Variants in CHCHD3 observed in about 807,000 individuals in gnomAD.
The protein encoded by CHCHD3 is coiled-coil-helix-coiled-coil-helix domain containing 3, also known as MICOS complex subunit MIC19.
CHCHD3 carries 20 observed loss-of-function variants against 38.2 expected under a neutral mutation model. The observed-to-expected ratio is 0.52, with a 90% confidence interval of 0.37 to 0.76. The LOEUF is 0.76. Ranked by LOEUF, CHCHD3 falls within the 30% of genes least tolerant of loss-of-function variation. The pLI, the probability that CHCHD3 is intolerant of heterozygous loss-of-function variation, is 0.00. For synonymous variants in CHCHD3, 82 were observed against 100.0 expected (o/e 0.82, Z 1.07); for missense variants, 245 against 279.2 (o/e 0.88, Z 0.87).
chr7:132,836,055 G>A (rs959279026), intron 6 of CHCHD3, among the ~76,000 whole-genome samples: 11 of 151,988 alleles, frequency 7.2e-5, no homozygotes, highest in African/African-American at 1.9e-4. Context: ...TAAGCCACCC[G>A]GTCTGTGGTA....
chr7:133,031,133 A>G lies in CHCHD3; in HGVS notation c.170-6506T>C, dbSNP rs1463848523. On this transcript the variant is annotated intron_variant, in intron 2 of 7. Coordinates refer to ENST00000262570, the MANE Select transcript of CHCHD3 (RefSeq NM_017812.4). ...ATTCCTAAACTTATACTTGATCCTGAGTATTCTTAGGAAATGTGAGGAAAT... is the reference window on the plus strand; with the variant it reads ...ATTCCTAAACTTATACTTGATCCTGGGTATTCTTAGGAAATGTGAGGAAAT... Among the ~76,000 whole-genome samples, 5 of 152,180 alleles carry G rather than the reference A, an allele frequency of 3.3e-5. No individual in the cohort carries two copies. The East Asian group carries it at 9.6e-4, about 29-fold the overall frequency.
intron 7 of CHCHD3, among the ~76,000 whole-genome samples, chr7:132,789,853 T>C (rs1223630883): frequency 1.3e-5 from 2 of 152,026 alleles, no homozygotes; most frequent in Non-Finnish European, 2.9e-5. Flanking sequence ...AAACTGGAGA[T>C]GTGTCCTGGC....
chr7:132,932,249 G>C (rs1456205579), intron 4 of CHCHD3, among the ~76,000 whole-genome samples: 1 of 152,128 alleles, frequency 6.6e-6, no homozygotes, highest in Non-Finnish European at 1.5e-5. Flanking sequence ...CCAGGTTATA[G>C]TTTTGCCAAT....
intron 2 of CHCHD3, among the ~76,000 whole-genome samples, chr7:133,030,693 G>T (rs937539876): frequency 1.2e-4 from 19 of 152,178 alleles, no homozygotes; most frequent in African/African-American, 4.3e-4. Flanking sequence ...TTCCATACTT[G>T]TATAGTCTGT....
intron 2 of CHCHD3, among the ~76,000 whole-genome samples, chr7:133,036,997 C>G (rs1813698504): frequency 6.6e-6 from 1 of 152,060 alleles, no homozygotes; most frequent in African/African-American, 2.4e-5. Flanking sequence ...GCTTGATGTC[C>G]AGGTTCAATA....
intron 3 of CHCHD3, among the ~76,000 whole-genome samples, chr7:133,024,055 G>T (rs1813265439): frequency 6.6e-6 from 1 of 152,184 alleles, no homozygotes; most frequent in South Asian, 2.1e-4. Context: ...ATGGAAACAG[G>T]ATTTTTATTT....
intron 1 of CHCHD3, among the ~76,000 whole-genome samples, chr7:133,073,423 C>T (rs1261184285): frequency 2.0e-5 from 3 of 152,146 alleles, no homozygotes; most frequent in Non-Finnish European, 4.4e-5. Context: ...CTCTCAGAAG[C>T]CCGGTCTCCA....
rs1810854417 is a variant in CHCHD3, at chr7:132,944,697, T to C, written c.369+30472A>G. The stretch of plus-strand genomic sequence containing the variant: ...CCTATCCATACACTCCCCAGAAGTA[T>C]ATATGCATGGTAAAAACAGGAATCA... On this transcript the variant is annotated intron_variant, in intron 4 of 7. Transcript: ENST00000262570. Among the ~76,000 whole-genome samples the C allele has an allele frequency of 3.9e-5, 6 of 151,972 alleles. No homozygotes were observed. The South Asian group carries it at 1.2e-3, about 32-fold the overall frequency.
At chr7:133,060,878 C>A (rs908567697) in intron 2 of CHCHD3, among the ~76,000 whole-genome samples, 1 of 152,014 alleles carries the variant, frequency 6.6e-6, no homozygotes, top group Non-Finnish European at 1.5e-5. Context: ...GCATTGCACT[C>A]CAGCCTGGGC....
intron 4 of CHCHD3, among the ~76,000 whole-genome samples, chr7:132,942,416 T>C (rs1423066466): frequency 1.3e-5 from 2 of 152,214 alleles, no homozygotes; most frequent in South Asian, 2.1e-4. Context: ...GCATGTATCC[T>C]ACCCATCCAG....
intron 5 of CHCHD3, among the ~76,000 whole-genome samples, chr7:132,852,893 T>C (rs1376811283): frequency 2.0e-5 from 3 of 152,218 alleles, no homozygotes; most frequent in Non-Finnish European, 2.9e-5. Flanking sequence ...CACATTCTAA[T>C]AGAGGCCAAC....
intron 6 of CHCHD3, among the ~76,000 whole-genome samples, chr7:132,797,190 C>A (rs1048310442): frequency 6.6e-6 from 1 of 152,214 alleles, no homozygotes; most frequent in Admixed American, 6.5e-5. Context: ...GGCCTTCACC[C>A]CCCAACCCTG....
At chr7:132,817,891 C>T (rs1318187194) in intron 6 of CHCHD3, among the ~76,000 whole-genome samples, 1 of 136,078 alleles carries the variant, frequency 7.3e-6, no homozygotes. Context: ...GACCCTGTCT[C>T]AAAAAAAAAA....
intron 3 of CHCHD3, among the ~76,000 whole-genome samples, chr7:133,009,501 G>C (rs1040597060): frequency 2.0e-5 from 3 of 151,348 alleles, no homozygotes; most frequent in Non-Finnish European, 4.4e-5. Context: ...GCTGAGGGGG[G>C]CACGAGGAGA....
chr7:132,855,890 AG>A (rs1326898648), intron 5 of CHCHD3, among the ~76,000 whole-genome samples: 2 of 133,542 alleles, frequency 1.5e-5, no homozygotes, highest in Non-Finnish European at 3.2e-5. Context: ...AAGAAAAAAA[AG>A]AAGAGGGTGG....
intron 6 of CHCHD3, among the ~76,000 whole-genome samples, chr7:132,824,504 C>A (rs937116677): frequency 6.6e-5 from 10 of 151,928 alleles, no homozygotes; most frequent in African/African-American, 2.2e-4. Flanking sequence ...TTAGTAAAGA[C>A]AGGGTTTCAC....
rs543573665 is a variant in CHCHD3 at position 132,996,455 on chromosome 7, A to G, written c.252-21169T>C. 4.6e-5 allele frequency among the ~76,000 whole-genome samples: 7 copies of G among 152,372 alleles called. No individual in the cohort carries two copies. The East Asian group carries it at 1.3e-3, about 29-fold the overall frequency. ...GTTACAAATATGCATGTAAAATTAC[A>G]TTCCGTGAAGAAGCATAAAACAAAA... On this transcript the variant is annotated intron_variant, in intron 3 of 7. Transcript: ENST00000262570.
chr7:132,808,375 C>T (rs779467454), intron 6 of CHCHD3, among the ~76,000 whole-genome samples: 6 of 152,212 alleles, frequency 3.9e-5, no homozygotes, highest in Non-Finnish European at 8.8e-5. Context: ...TGTCCCTACT[C>T]CTCTTCTACA....
chr7:132,860,060 C>T (rs545961505), intron 5 of CHCHD3, among the ~76,000 whole-genome samples: 4 of 152,090 alleles, frequency 2.6e-5, no homozygotes, highest in South Asian at 4.2e-4. Context: ...TGCTTGGGCC[C>T]GGGAGTTCAA....
Sources: gnomAD v4.1 joint callset for allele counts (sites outside exome capture counted in the v4.1 genomes callset) on GRCh38, gnomAD v4.1.1 for gene constraint, MANE v1.5 for transcripts, NCBI Gene and HGNC (gene_info 2026-07-23, HGNC 2026-07-21) for gene names.